Variants in SEC62 observed in about 807,000 individuals in gnomAD.
SEC62 encodes SEC62 preprotein translocation factor.
In SEC62, 10 loss-of-function variants were observed where a neutral mutation model predicts 47.5. That is an observed-to-expected ratio of 0.21 (90% confidence interval 0.13 to 0.36). SEC62 has a LOEUF of 0.36. Ranked by LOEUF, SEC62 falls within the 10% of genes least tolerant of loss-of-function variation. SEC62 has a pLI of 1.00. For synonymous variants in SEC62, 136 were observed against 150.5 expected (o/e 0.90, Z 0.71); for missense variants, 327 against 464.1 (o/e 0.70, Z 2.71).
At chr3:169,973,067 G>A (rs1714740121) in intron 1 of SEC62, among the ~76,000 whole-genome samples, 1 of 152,152 alleles carries the variant, frequency 6.6e-6, no homozygotes, top group Admixed American at 6.5e-5. Flanking sequence ...ACCATTTATA[G>A]TATTCAACTT....
intron 2 of SEC62, 69 bp downstream of exon 2, chr3:169,975,785 T>C: frequency 9.2e-7 from 1 of 1,089,112 alleles, no homozygotes; most frequent in Non-Finnish European, 1.4e-6. Flanking sequence ...TTGGGATATG[T>C]AGAAGTTTTA....
rs768471417 is a variant in SEC62 at position 169,992,745 on chromosome 3, G to T, written c.882G>T (p.Lys294Asn). 6.2e-7 allele frequency: 1 copy of T among 1,614,104 alleles called. No homozygotes were observed. The highest frequency in any genetic ancestry group is 1.7e-5 in the Admixed American group (1 of 60,004). ...ACAAAGGACCAAAAGCAGACTTAAA[G>T]AAAGATGAGAAGTCTGAAACCAAAA... ...HEYKGPKADL[K>N]KDEKSETKKQ... The change falls in exon 8 of 8, where the codon AAG (lysine) becomes AAT (asparagine). Residue 294 changes from lysine (K) to asparagine (N), a missense_variant. By Grantham distance (94) the Lys-to-Asn change is moderately conservative. Transcript: ENST00000337002. This position sits in a 1 kb window ranked among gnomAD's most constrained non-coding sequence, Gnocchi z 4.0.
At chr3:169,967,392 G>A (rs1415962858) in intron 1 of SEC62, among the ~76,000 whole-genome samples, 5 of 152,200 alleles carry the variant, frequency 3.3e-5, no homozygotes, top group African/African-American at 1.2e-4. Flanking sequence ...GGCCTAGGCA[G>A]GGATCTGCTC....
chr3:169,970,942 A>G (rs1714681523), intron 1 of SEC62, among the ~76,000 whole-genome samples: 1 of 152,234 alleles, frequency 6.6e-6, no homozygotes, highest in African/African-American at 2.4e-5. Flanking sequence ...TATAAACAAA[A>G]AGAAGGTAAA....
rs988251705 is a variant in SEC62, at chr3:169,975,592, T to C, written c.37-16T>C. On this transcript the variant is annotated splice_polypyrimidine_tract_variant and intron_variant, in intron 1 of 7. Transcript: ENST00000337002. ...CAAGTATATGATTATACTAAATTAA[T>C]ATTCATATGTTGCAGGAAGTTGGTG... 6.8e-7 allele frequency: 1 copy of C among 1,465,194 alleles called. No homozygotes were observed. The highest frequency in any genetic ancestry group is 9.6e-7 in the Non-Finnish European group (1 of 1,045,734). 90.8% of individuals were successfully genotyped at this position (1,465,194 alleles called of 1,614,324 possible). A position where few individuals can be genotyped will look rare whatever the true frequency, so the allele number is the denominator to read the frequency against.
chr3:169,972,128 C>G (rs1233644408), intron 1 of SEC62, among the ~76,000 whole-genome samples: 1 of 152,206 alleles, frequency 6.6e-6, no homozygotes, highest in Non-Finnish European at 1.5e-5. Flanking sequence ...GTTCATCCTA[C>G]ACACAGCCAC....
At chr3:169,983,291 T>C (rs372114836) in intron 5 of SEC62, 38 bp downstream of exon 5, 113 of 1,397,490 alleles carry the variant, frequency 8.1e-5, no homozygotes, top group African/African-American at 5.0e-4. Flanking sequence ...CAGTTTTCTA[T>C]AGGAGTTTTT....
At position 169,992,393 on chromosome 3, in the gene SEC62, C is replaced by G. The variant is rs988153198; in HGVS notation, c.731-201C>G. On this transcript the variant is annotated intron_variant, in intron 7 of 7. Coordinates refer to ENST00000337002, the MANE Select transcript of SEC62 (RefSeq NM_003262.4). This position sits in a 1 kb window ranked among gnomAD's most constrained non-coding sequence, Gnocchi z 4.0. ...TATAGCTCACTGCAGCCTCGAGCTC[C>G]TGGGCTCAAGTGATCCTCCCAAGTA... 6.6e-6 allele frequency among the ~76,000 whole-genome samples: 1 copy of G among 152,184 alleles called. No individual in the cohort carries two copies. Among genetic ancestry groups the G allele is most frequent in the Non-Finnish European group, 1.5e-5 (1 of 68,028 alleles).
chr3:169,973,573 G>A (rs912724831), intron 1 of SEC62, among the ~76,000 whole-genome samples: 2 of 151,178 alleles, frequency 1.3e-5, no homozygotes, highest in African/African-American at 4.9e-5. Context: ...TGAGGCATGA[G>A]AATCGCTGGA....
intron 3 of SEC62, among the ~76,000 whole-genome samples, chr3:169,979,394 A>G (rs1346093233): frequency 6.6e-6 from 1 of 152,204 alleles, no homozygotes; most frequent in Non-Finnish European, 1.5e-5. Context: ...GGAAAAACAA[A>G]ATAGGAAAAT....
At chr3:169,975,152 G>A (rs778847336) in intron 1 of SEC62, among the ~76,000 whole-genome samples, 3 of 151,910 alleles carry the variant, frequency 2.0e-5, no homozygotes, top group Non-Finnish European at 4.4e-5. Flanking sequence ...ATGGTGGCAG[G>A]CACCTGTAAT....
At position 169,995,714 on chromosome 3, in the gene SEC62, G is replaced by A. The variant is rs1050187136; in HGVS notation, c.*2651G>A. On this transcript the variant is annotated 3_prime_UTR_variant, in exon 8 of 8. Coordinates refer to ENST00000337002, the MANE Select transcript of SEC62 (RefSeq NM_003262.4). ...TAGTTACGTTCTATAAAGTCACTGCGAACACTGAATTAGCAAATATAGAAC... is the reference window on the plus strand; with the variant it reads ...TAGTTACGTTCTATAAAGTCACTGCAAACACTGAATTAGCAAATATAGAAC... 3.3e-5 allele frequency: 5 copies of A among 152,176 alleles called. No individual in the cohort carries two copies. Among genetic ancestry groups the A allele is most frequent in the African/African-American group, 4.8e-5 (2 of 41,518 alleles). The allele number at this position is 152,176 out of a possible 1,614,324, so 9.4% of individuals were successfully genotyped here.
intron 1 of SEC62, among the ~76,000 whole-genome samples, chr3:169,973,110 A>G (rs1320319340): frequency 6.6e-6 from 1 of 152,242 alleles, no homozygotes; most frequent in Non-Finnish European, 1.5e-5. Flanking sequence ...GTATGGATAT[A>G]TAGACTATTA....
intron 1 of SEC62, among the ~76,000 whole-genome samples, chr3:169,972,600 T>TA (rs1553761562): frequency 7.2e-4 from 107 of 149,106 alleles, no homozygotes; most frequent in South Asian, 1.7e-3. Context: ...TTTTTTTTTT[T>TA]ATGTAGAGAA....
At position 169,988,468 on chromosome 3, in the gene SEC62, G is replaced by A. The variant is rs1576864019; in HGVS notation, c.730+109G>A. The A allele has an allele frequency of 5.5e-5, 65 of 1,177,386 alleles. 1 individual carries two copies. The East Asian group carries it at 1.5e-3, about 28-fold the overall frequency. 72.9% of individuals were successfully genotyped at this position (1,177,386 alleles called of 1,614,324 possible). A position where few individuals can be genotyped will look rare whatever the true frequency, so the allele number is the denominator to read the frequency against. On this transcript the variant is annotated intron_variant, in intron 7 of 7. Transcript: ENST00000337002. ...AGAAAAATTAATGGAGGTAAATCAA[G>A]AAATATATGGTACTACTTTCTGAGT...
At chr3:169,977,134 T>C (rs1293248141) in intron 3 of SEC62, 83 bp downstream of exon 3, 1 of 821,442 alleles carries the variant, frequency 1.2e-6, no homozygotes, top group Non-Finnish European at 1.9e-6. Context: ...TCATTAAATG[T>C]AGTGATACTA....
intron 6 of SEC62, 121 bp from the exon 7 acceptor site, chr3:169,988,119 A>C (rs1195722775): frequency 3.6e-6 from 4 of 1,126,600 alleles, no homozygotes; most frequent in Middle Eastern, 2.9e-4. Flanking sequence ...AAAAATGGCA[A>C]TTTTATATTT....
At chr3:169,982,573 G>T in intron 3 of SEC62, 134 bp from the exon 4 acceptor site, 1 of 1,023,188 alleles carries the variant, frequency 9.8e-7, no homozygotes, top group South Asian at 1.3e-5. Flanking sequence ...CTTTTTCACG[G>T]GCATACTAGT....
At chr3:169,976,478 G>T (rs112547498) in intron 2 of SEC62, among the ~76,000 whole-genome samples, 194 of 152,300 alleles carry the variant, frequency 1.3e-3, no homozygotes, top group Non-Finnish European at 2.5e-3. Context: ...AAAAGTAGAT[G>T]TGCTAATCTC....
Sources: gnomAD v4.1 joint callset for allele counts (sites outside exome capture counted in the v4.1 genomes callset) on GRCh38, gnomAD v4.1.1 for gene constraint, Gnocchi (gnomAD v3.1) non-coding constraint, MANE v1.5 for transcripts, NCBI Gene and HGNC (gene_info 2026-07-23, HGNC 2026-07-21) for gene names.